The following USP43 variants were observed in gnomAD, a reference collection of about 807,000 sequenced individuals.
The protein encoded by USP43 is ubiquitin carboxyl-terminal hydrolase 43.
Under a neutral mutation model 90.7 loss-of-function variants are expected in USP43, and 33 were observed. The observed-to-expected ratio is 0.36, with a 90% CI of 0.28 to 0.49. USP43 has a LOEUF of 0.49. Among genes scored for constraint, USP43 ranks in the 20% least tolerant of loss-of-function variants. USP43 has a pLI of 0.98. For missense variants in USP43, 1,274 were observed against 1,476.4 expected (o/e 0.86, Z 2.25); for synonymous variants, 598 against 615.8 (o/e 0.97, Z 0.43).
At chr17:9,721,619 G>A (rs540479379) in intron 14 of USP43, among the ~76,000 whole-genome samples, 1 of 152,022 alleles carries the variant, frequency 6.6e-6, no homozygotes, top group Admixed American at 6.6e-5. Flanking sequence ...TATTAAATTA[G>A]GTGAGTTCAT....
At chr17:9,647,267 A>T (rs564731942) in intron 1 of USP43, among the ~76,000 whole-genome samples, 1 of 151,844 alleles carries the variant, frequency 6.6e-6, no homozygotes, top group Non-Finnish European at 1.5e-5. Flanking sequence ...TGAGATGCCA[A>T]CCCCCACCTT....
At chr17:9,687,345 A>T (rs1914653011) in intron 8 of USP43, among the ~76,000 whole-genome samples, 1 of 152,196 alleles carries the variant, frequency 6.6e-6, no homozygotes, top group African/African-American at 2.4e-5. Context: ...TTAAATCAAC[A>T]ATTTCAAGGG....
rs886986054 is a variant in USP43, at chr17:9,728,891, T to C, written c.3273T>C (p.Thr1091=). The change falls in exon 15 of 15, where the codon ACT becomes ACC. Residue 1091 remains threonine (T), a synonymous_variant. Transcript: ENST00000285199. The surrounding 1 kb of genome is among the most constrained non-coding windows in gnomAD (Gnocchi z 6.2). ...GTGCACTGGGCATGTCACAAAGGAC[T>C]GTTCCAGGGGAGCAGGCTTCTTATG... ...RGSALGMSQR[T]VPGEQASYGT... 14 of 1,613,784 alleles carry C rather than the reference T, an allele frequency of 8.7e-6. No homozygotes were observed. The highest frequency in any genetic ancestry group is 1.2e-5 in the Non-Finnish European group (14 of 1,179,790).
At chr17:9,658,790 A>G (rs76816352) in intron 2 of USP43, among the ~76,000 whole-genome samples, 3,570 of 152,348 alleles carry the variant, frequency 0.023, 133 homozygotes, top group African/African-American at 0.08. Flanking sequence ...GTAGGGCTGG[A>G]TCCAGGGACT....
chr17:9,675,473 T>C (rs1913707939), intron 4 of USP43, among the ~76,000 whole-genome samples: 1 of 152,158 alleles, frequency 6.6e-6, no homozygotes, highest in African/African-American at 2.4e-5. Context: ...ACAGGCACCA[T>C]GGGCCGAGTT....
chr17:9,700,445 A>G (rs1156857627), intron 10 of USP43, among the ~76,000 whole-genome samples, 196 bp downstream of exon 10: 1 of 152,154 alleles, frequency 6.6e-6, no homozygotes, highest in Non-Finnish European at 1.5e-5. Flanking sequence ...GGAGGAATGG[A>G]GTGATGGTGG....
intron 8 of USP43, among the ~76,000 whole-genome samples, chr17:9,688,254 TG>T (rs11348984): frequency 0.28 from 41,894 of 151,824 alleles, 6,416 homozygotes; most frequent in East Asian, 0.63. Context: ...CCCAGAGTGC[TG>T]GGATTACAGG....
At chr17:9,716,889 A>G (rs536436350) in intron 14 of USP43, among the ~76,000 whole-genome samples, 58 of 152,250 alleles carry the variant, frequency 3.8e-4, no homozygotes, top group Admixed American at 1.5e-3. Context: ...TAATCCCAGC[A>G]CTTTGGGAGG....
intron 8 of USP43, among the ~76,000 whole-genome samples, chr17:9,688,633 G>A (rs1411811056): frequency 6.6e-6 from 1 of 152,088 alleles, no homozygotes; most frequent in Non-Finnish European, 1.5e-5. Context: ...ACAGGCGTGA[G>A]CCACCACACC....
chr17:9,665,166 C>A (rs1912947217), intron 2 of USP43, among the ~76,000 whole-genome samples: 1 of 151,894 alleles, frequency 6.6e-6, no homozygotes, highest in South Asian at 2.1e-4. Flanking sequence ...GGATAGGGGT[C>A]CAGAGGAGTT....
chr17:9,728,109 G>A lies in USP43; in HGVS notation c.2491G>A (p.Glu831Lys), dbSNP rs1477800918. The change falls in exon 15 of 15, where the codon GAG (glutamate) becomes AAG (lysine). Residue 831 changes from glutamate (E) to lysine (K), a missense_variant. Physicochemically the swap from Glu to Lys is moderately conservative, Grantham distance 56. This residue lies in a region of USP43 where 285 missense variants were observed against 349.6 expected (regional missense o/e 0.82). Transcript: ENST00000285199. This position sits in a 1 kb window ranked among gnomAD's most constrained non-coding sequence, Gnocchi z 6.2. ...GGAGAAACCACCAGGTGCCTCCGTC[G>A]AGTTGGTGGAGTACTTGGAATCCAG... ...SKEKPPGASV[E>K]LVEYLESRRR... is the part of the protein sequence containing the mutation. 2.5e-6 allele frequency: 4 copies of A among 1,613,910 alleles called. No individual in the cohort carries two copies. The highest frequency in any genetic ancestry group is 1.7e-5 in the Admixed American group (1 of 59,998).
At chr17:9,671,730 T>A (rs1265521329) in intron 3 of USP43, among the ~76,000 whole-genome samples, 2 of 152,148 alleles carry the variant, frequency 1.3e-5, no homozygotes, top group Admixed American at 1.3e-4. Flanking sequence ...CTTTTCCCCT[T>A]GAGTGCACTT....
chr17:9,696,157 A>C (rs573990627), intron 9 of USP43, among the ~76,000 whole-genome samples: 2 of 151,784 alleles, frequency 1.3e-5, no homozygotes, highest in South Asian at 4.2e-4. Flanking sequence ...TTTTTTAGAC[A>C]GAGTCTCACT....
At chr17:9,664,120 G>A (rs1311356989) in intron 2 of USP43, among the ~76,000 whole-genome samples, 2 of 152,128 alleles carry the variant, frequency 1.3e-5, no homozygotes, top group Admixed American at 6.6e-5. Context: ...ACCATTTTGA[G>A]CACTCATAAC....
chr17:9,705,888 G>C (rs757488072), intron 12 of USP43, among the ~76,000 whole-genome samples: 33 of 152,194 alleles, frequency 2.2e-4, no homozygotes, highest in Non-Finnish European at 3.8e-4. Context: ...CTCAGAATTG[G>C]AATAGCTGTG....
rs760258369 is a variant in USP43, at chr17:9,712,061, C to T, written c.2264C>T (p.Ala755Val). ...TRGSLLSWSS[A>V]PCPSLPQVPD... ...GGAAGCCTGCTGTCCTGGAGCTCTG[C>T]CCCCTGCCCCTCCCTGCCCCAGGTT... is the stretch of plus-strand genomic sequence containing the variant. The change falls in exon 14 of 15, where the codon GCC becomes GTC. Residue 755 changes from alanine (A) to valine (V), a missense_variant. Transcript: ENST00000285199. 2.9e-5 allele frequency: 46 copies of T among 1,612,054 alleles called. 1 individual carries two copies. The Middle Eastern group carries it at 8.3e-4, about 29-fold the overall frequency.
intron 14 of USP43, among the ~76,000 whole-genome samples, chr17:9,720,021 C>T (rs988500778): frequency 3.3e-5 from 5 of 151,876 alleles, no homozygotes; most frequent in African/African-American, 4.8e-5. Flanking sequence ...GAGCCTTGAT[C>T]GCACCACTGT....
chr17:9,727,928 A>G (rs753803733), intron 14 of USP43, 26 bp from the exon 15 acceptor site: 2 of 1,578,572 alleles, frequency 1.3e-6, no homozygotes, highest in African/African-American at 1.4e-5. Flanking sequence ...TGGCTTGTAC[A>G]CTGACAGTCT....
chr17:9,647,848 C>CAAAAAA (rs35223665), intron 1 of USP43, among the ~76,000 whole-genome samples: 849 of 81,994 alleles, frequency 0.01, 45 homozygotes, highest in African/African-American at 0.036. Context: ...ACTAAAAATC[C>CAAAAAA]AAAAAAAAAA....
Sources: allele counts gnomAD v4.1 joint callset (sites outside exome capture counted in the v4.1 genomes callset), GRCh38; gene constraint gnomAD v4.1.1; regional missense constraint gnomAD v4.1.1; non-coding constraint Gnocchi (gnomAD v3.1); transcripts MANE v1.5; gene names NCBI Gene and HGNC (gene_info 2026-07-23, HGNC 2026-07-21).